CDH3: variants seen among roughly 807,000 people sequenced by gnomAD.
CDH3 encodes cadherin-3.
CDH3 carries 54 observed loss-of-function variants against 82.0 expected under a neutral mutation model. That is an observed-to-expected ratio of 0.66 (90% CI 0.53 to 0.83). The LOEUF (loss-of-function observed/expected upper bound fraction) is 0.83. Among genes scored for constraint, CDH3 ranks in the 40% least tolerant of loss-of-function variants. The probability of loss-of-function intolerance (pLI) is 0.00; values close to 1 mark genes in which losing one functional copy is unlikely to be tolerated. For missense variants in CDH3, 1,054 were observed against 1,084.6 expected, an observed-to-expected ratio of 0.97 and a Z score of 0.40; for synonymous variants, 446 against 437.9, an observed-to-expected ratio of 1.02 and a Z score of -0.23.
Position 68,664,727 on chromosome 16 carries a change from C to T in CDH3, c.161-11658C>T, listed in dbSNP as rs143344803. Among the ~76,000 whole-genome samples, 1,091 of 152,068 alleles carry T rather than the reference C, an allele frequency of 7.2e-3. 14 individuals are homozygous for T. The highest frequency in any genetic ancestry group is 0.025 in the African/African-American group (1,041 of 41,482). On this transcript the variant is annotated intron_variant, in intron 2 of 15. Transcript: ENST00000264012. The stretch of plus-strand genomic sequence containing the variant: ...CAGGCTGGAGTGCATGGTGTGATCA[C>T]GACTCACTGCAGCCTTGATCTCCCA...
intron 13 of CDH3, among the ~76,000 whole-genome samples, chr16:68,694,229 C>T (rs991353716): frequency 2.0e-4 from 30 of 149,474 alleles, no homozygotes; most frequent in Non-Finnish European, 1.2e-4. Context: ...GGGAGAATCA[C>T]TTGAACCTGG....
downstream of CDH3, among the ~76,000 whole-genome samples, chr16:68,731,481 CGTAT>C (rs1188127335): frequency 0.042 from 1,562 of 37,424 alleles, 198 homozygotes; most frequent in African/African-American, 0.12. Flanking sequence ...TACACACACA[CGTAT>C]ATACACATAT....
downstream of CDH3, among the ~76,000 whole-genome samples, chr16:68,729,846 G>C (rs1026600336): frequency 1.3e-5 from 2 of 151,964 alleles, no homozygotes; most frequent in African/African-American, 2.4e-5. Flanking sequence ...TGCTGCTCAG[G>C]CTGGTCTGAA....
chr16:68,729,929 C>T (rs547776782), downstream of CDH3, among the ~76,000 whole-genome samples: 1 of 152,094 alleles, frequency 6.6e-6, no homozygotes, highest in Non-Finnish European at 1.5e-5. Context: ...CCATCACGCC[C>T]AACCCAAACT....
chr16:68,682,845 A>G (rs1442711147), intron 9 of CDH3, among the ~76,000 whole-genome samples: 1 of 152,176 alleles, frequency 6.6e-6, no homozygotes, highest in Non-Finnish European at 1.5e-5. Flanking sequence ...AGGTGTTTAG[A>G]TAATAAAATG....
chr16:68,715,147 C>T (rs534501326), intron 1 of CDH3, among the ~76,000 whole-genome samples: 3 of 142,106 alleles, frequency 2.1e-5, no homozygotes, highest in Non-Finnish European at 3.2e-5. Flanking sequence ...AATTTGAGGC[C>T]GGGCGCCATG....
At chr16:68,679,694 C>CAA (rs66540234) in intron 6 of CDH3, 105 bp from the exon 7 acceptor site, 56,735 of 341,096 alleles carry the variant, frequency 0.17, 5,015 homozygotes, top group African/African-American at 0.27. Flanking sequence ...GACTTCATCT[C>CAA]AAAAAAAAAA....
intron 14 of CDH3, 25 bp from the exon 15 acceptor site, chr16:68,695,752 C>T (rs746442386): frequency 3.7e-6 from 6 of 1,613,612 alleles, no homozygotes; most frequent in Non-Finnish European, 5.1e-6. Flanking sequence ...TCCTCAGTCA[C>T]CTGCTCTCCT....
chr16:68,728,733 C>T (rs920784687), downstream of CDH3, among the ~76,000 whole-genome samples: 7 of 152,320 alleles, frequency 4.6e-5, no homozygotes, highest in East Asian at 1.9e-4. Context: ...CCATCATCCA[C>T]AGTGCTAAAA....
At chr16:68,685,077 G>A (rs886996277) in intron 10 of CDH3, 128 bp from the exon 11 acceptor site, 1 of 1,214,252 alleles carries the variant, frequency 8.2e-7, no homozygotes, top group African/African-American at 1.5e-5. Flanking sequence ...TATGGGCGAG[G>A]TGCATTTTCC....
downstream of CDH3, among the ~76,000 whole-genome samples, chr16:68,730,298 G>A (rs190088109): frequency 2.8e-3 from 426 of 151,218 alleles, 1 homozygote; most frequent in African/African-American, 9.8e-3. Context: ...AGGCTGAGGC[G>A]GGCGGATCAC....
At chr16:68,731,316 C>T (rs189577926), downstream of CDH3, among the ~76,000 whole-genome samples, 534 of 110,304 alleles carry the variant, frequency 4.8e-3, 5 homozygotes, top group African/African-American at 0.018. Context: ...GCCGAGATCA[C>T]GCCATTGCAC....
At chr16:68,677,806 T>C (rs1426843800) in intron 3 of CDH3, among the ~76,000 whole-genome samples, 1 of 152,222 alleles carries the variant, frequency 6.6e-6, no homozygotes, top group Non-Finnish European at 1.5e-5. Context: ...CATTCTTATT[T>C]TTAGAGCTGC....
intron 9 of CDH3, among the ~76,000 whole-genome samples, chr16:68,683,387 C>T (rs1398640383): frequency 6.6e-6 from 1 of 152,114 alleles, no homozygotes. Context: ...TGCTGTGGCT[C>T]ACGCCTGTAA....
At chr16:68,686,683 C>T in intron 11 of CDH3, 1 of 792,692 alleles carries the variant, frequency 1.3e-6, no homozygotes, top group Non-Finnish European at 2.3e-6. Context: ...AGTACGTAGA[C>T]TGAAATAAGT....
At chr16:68,731,907 T>G (rs1000037012), downstream of CDH3, among the ~76,000 whole-genome samples, 8 of 151,772 alleles carry the variant, frequency 5.3e-5, no homozygotes, top group Non-Finnish European at 1.2e-4. Flanking sequence ...TGAAAGAAGA[T>G]TTGGTACAAT....
chr16:68,651,894 C>T (rs527564900), intron 2 of CDH3: 76 of 437,534 alleles, frequency 1.7e-4, no homozygotes, highest in Non-Finnish European at 2.5e-4. Context: ...GGACAGGAGC[C>T]GGTTCTTGAC....
At chr16:68,651,625 G>A in intron 2 of CDH3, 1 of 507,052 alleles carries the variant, frequency 2.0e-6, no homozygotes, top group South Asian at 1.6e-5. Context: ...CTCTCAAACA[G>A]GTTACTGGCC....
At chr16:68,716,620 C>CAAAAAAA (rs563385107) in intron 1 of CDH3, among the ~76,000 whole-genome samples, 11 of 102,910 alleles carry the variant, frequency 1.1e-4, no homozygotes, top group African/African-American at 1.6e-4. Context: ...GACTCCGGCT[C>CAAAAAAA]AAAAAAAAAA....
Sources: gnomAD v4.1 joint callset for allele counts (sites outside exome capture counted in the v4.1 genomes callset) on GRCh38, gnomAD v4.1.1 for gene constraint, MANE v1.5 for transcripts, NCBI Gene and HGNC (gene_info 2026-07-23, HGNC 2026-07-21) for gene names.